GANC: variants seen among roughly 807,000 people sequenced by gnomAD.
GANC encodes glucosidase alpha, neutral C.
GANC carries 117 observed loss-of-function variants against 124.2 expected under a neutral mutation model. The ratio of observed to expected loss-of-function variants is 0.94; its 90% CI spans 0.81 to 1.10. The LOEUF (loss-of-function observed/expected upper bound fraction) is 1.10, where lower values mean the gene tolerates loss of function less well. Ranked by LOEUF, GANC falls within the 50% of genes least tolerant of loss-of-function variation. The pLI is 0.00. For missense variants in GANC, 1,140 were observed against 1,095.0 expected (o/e 1.04, Z -0.58); for synonymous variants, 377 against 376.8 (o/e 1.00, Z -0.01).
At chr15:42,301,345 T>C (rs2051944177) in intron 6 of GANC, among the ~76,000 whole-genome samples, 1 of 152,102 alleles carries the variant, frequency 6.6e-6, no homozygotes, top group South Asian at 2.1e-4. Flanking sequence ...ACTACACTTC[T>C]CCCATGGTCT....
At chr15:42,287,103 C>T (rs994983324) in intron 3 of GANC, among the ~76,000 whole-genome samples, 1 of 152,182 alleles carries the variant, frequency 6.6e-6, no homozygotes, top group African/African-American at 2.4e-5. Flanking sequence ...ACTTAGGTTC[C>T]CCAGCCTCTT....
Position 42,352,661 on chromosome 15 carries a change from G to A in GANC, c.*522G>A. 1 of 986,352 alleles carries A rather than the reference G, an allele frequency of 1.0e-6. No individual in the cohort carries two copies. Among genetic ancestry groups the A allele is most frequent in the Non-Finnish European group, 1.2e-6 (1 of 830,278 alleles). The allele number at this position is 986,352 out of a possible 1,614,324, so 61.1% of individuals were successfully genotyped here. A position where few individuals can be genotyped will look rare whatever the true frequency, so the allele number is the denominator to read the frequency against. ...TGTGCACTGCATACGCTGCAGCCGT[G>A]GGAGTTATTCTCCCCTAGAGATCGA... is the stretch of plus-strand genomic sequence containing the variant. On this transcript the variant is annotated 3_prime_UTR_variant, in exon 24 of 24. Transcript: ENST00000318010.
At chr15:42,326,694 CAG>C (rs1359347663) in intron 12 of GANC, among the ~76,000 whole-genome samples, 1 of 151,936 alleles carries the variant, frequency 6.6e-6, no homozygotes, top group African/African-American at 2.4e-5. Flanking sequence ...TCCAAGCAAA[CAG>C]AGATAAAAAG....
At chr15:42,277,360 G>C (rs865837093) in intron 2 of GANC, among the ~76,000 whole-genome samples, 2 of 151,758 alleles carry the variant, frequency 1.3e-5, no homozygotes, top group African/African-American at 4.8e-5. Flanking sequence ...CAGAAACCCC[G>C]TCTCTACTAA....
At position 42,339,568 on chromosome 15, in the gene GANC, A is replaced by G. The variant is rs562982684; in HGVS notation, c.1844-101A>G. 8.4e-5 allele frequency: 114 copies of G among 1,357,826 alleles called. No individual in the cohort carries two copies. The African/African-American group carries it at 1.5e-3, about 18-fold the overall frequency. The allele number at this position is 1,357,826 out of a possible 1,614,324, so 84.1% of individuals were successfully genotyped here. A position where few individuals can be genotyped will look rare whatever the true frequency, so the allele number is the denominator to read the frequency against. On this transcript the variant is annotated intron_variant, in intron 16 of 23. Transcript: ENST00000318010. ...CTTTATCCTGTCATTTGAAGTGCAT[A>G]TACTGCACTTTTCTCCTGTCGGTCT...
At chr15:42,351,478 A>C (rs1188942190) in intron 23 of GANC, 46 bp downstream of exon 23, 3 of 1,339,592 alleles carry the variant, frequency 2.2e-6, no homozygotes, top group Non-Finnish European at 2.1e-6. Context: ...TTTTATAAAC[A>C]GAAGTATCTG....
intron 3 of GANC, chr15:42,284,091 C>G (rs1298235251): frequency 1.5e-6 from 1 of 664,836 alleles, no homozygotes; most frequent in Non-Finnish European, 2.7e-6. Flanking sequence ...TTTAGGTTAA[C>G]AGTTCTTTAC....
At chr15:42,281,379 G>A (rs960125955) in intron 3 of GANC, among the ~76,000 whole-genome samples, 9 of 152,256 alleles carry the variant, frequency 5.9e-5, no homozygotes, top group Non-Finnish European at 1.2e-4. Context: ...GCAGCTCATT[G>A]CATAGTGAAA....
chr15:42,301,103 C>T (rs1423067863), intron 6 of GANC, among the ~76,000 whole-genome samples: 2 of 152,090 alleles, frequency 1.3e-5, no homozygotes, highest in East Asian at 3.8e-4. Context: ...CGGCCTGCAG[C>T]TGCCAGCAAG....
chr15:42,310,911 C>T (rs548887140), intron 10 of GANC, 65 bp downstream of exon 10: 13 of 1,528,762 alleles, frequency 8.5e-6, no homozygotes, highest in African/African-American at 4.1e-5. Flanking sequence ...TGTGTCATCA[C>T]GGTAAGTTAA....
Position 42,352,089 on chromosome 15 carries a change from G to A in GANC, c.2695G>A (p.Glu899Lys). ...YCAKTSILSL[E>K]KLSLNIATDW... ...TGCCAAAACATCCATCCTGAGCCTG[G>A]AGAAGCTCTCACTCAACATTGCCAC... is the stretch of plus-strand genomic sequence containing the variant. Residue 899 changes from glutamate (E) to lysine (K), a missense_variant, in exon 24 of 24, where the codon GAG becomes AAG. Coordinates refer to ENST00000318010, the MANE Select transcript of GANC (RefSeq NM_198141.3). 6.2e-7 allele frequency: 1 copy of A among 1,614,138 alleles called. No homozygotes were observed. The highest frequency in any genetic ancestry group is 2.2e-5 in the East Asian group (1 of 44,884).
In GANC at chr15:42,342,695, G is replaced by A. The variant is rs181857231; in HGVS notation, c.2153-383G>A. 6.7e-3 allele frequency among the ~76,000 whole-genome samples: 1,014 copies of A among 152,280 alleles called. 8 individuals are homozygous for A. Among genetic ancestry groups the A allele is most frequent in the Non-Finnish European group, 9.4e-3 (637 of 68,028 alleles). Reference sequence around the variant, plus strand: ...CCACACTTCTGGATAATAGTTGTGGGCTCCCCATCTTCAGCTTCACTGACA... The same window carrying A: ...CCACACTTCTGGATAATAGTTGTGGACTCCCCATCTTCAGCTTCACTGACA... On this transcript the variant is annotated intron_variant, in intron 18 of 23. Transcript: ENST00000318010.
chr15:42,331,927 G>A (rs1459332963), intron 15 of GANC, among the ~76,000 whole-genome samples: 3 of 151,938 alleles, frequency 2.0e-5, no homozygotes, highest in South Asian at 2.1e-4. Context: ...ACCTAATTTT[G>A]TATTGATATG....
chr15:42,353,612 G>A lies in GANC; in HGVS notation c.*1473G>A, dbSNP rs1319747586. 1 of 985,520 alleles carries A rather than the reference G, an allele frequency of 1.0e-6. No individual in the cohort carries two copies. The highest frequency in any genetic ancestry group is 1.7e-5 in the African/African-American group (1 of 57,198). The allele number at this position is 985,520 out of a possible 1,614,324, so 61.0% of individuals were successfully genotyped here. ...TATACCTGACTTTCAGTAACTGTTA[G>A]CTGTGATTAGTTAGCTGGTGGATTT... On this transcript the variant is annotated 3_prime_UTR_variant, in exon 24 of 24. Coordinates refer to ENST00000318010, the MANE Select transcript of GANC (RefSeq NM_198141.3).
rs537481128 is a variant in GANC, at chr15:42,339,612, T to G, written c.1844-57T>G. On this transcript the variant is annotated intron_variant, in intron 16 of 23. Transcript: ENST00000318010. ...TCGGTCTTCAAGACCTTAATTTCCC[T>G]GTGTGCATCATTTATCCAAAGCTTG... 1.2e-4 allele frequency: 184 copies of G among 1,582,860 alleles called. 1 individual carries two copies. In the South Asian group the frequency reaches 1.6e-3, roughly 14 times the overall value.
At chr15:42,329,173 T>C (rs1739702874) in intron 13 of GANC, 133 bp from the exon 14 acceptor site, 11 of 877,868 alleles carry the variant, frequency 1.3e-5, no homozygotes, top group Non-Finnish European at 1.9e-5. Flanking sequence ...CCTGTGGAAC[T>C]TATACTCTAG....
chr15:42,346,699 T>C (rs1380278462), intron 20 of GANC, among the ~76,000 whole-genome samples: 1 of 152,098 alleles, frequency 6.6e-6, no homozygotes, highest in African/African-American at 2.4e-5. Flanking sequence ...ATCTGGAATA[T>C]CATTCTACAG....
At chr15:42,308,794 G>A (rs977485361) in intron 8 of GANC, among the ~76,000 whole-genome samples, 1 of 151,996 alleles carries the variant, frequency 6.6e-6, no homozygotes, top group Non-Finnish European at 1.5e-5. Flanking sequence ...CGGTTTTCCA[G>A]TTTTATTTAT....
At chr15:42,347,968 T>C in intron 20 of GANC, 135 bp from the exon 21 acceptor site, 1 of 539,526 alleles carries the variant, frequency 1.9e-6, no homozygotes, top group Non-Finnish European at 3.2e-6. Context: ...TTGCCATCTC[T>C]GTGCCCCAAA....
Sources: allele counts gnomAD v4.1 joint callset (sites outside exome capture counted in the v4.1 genomes callset), GRCh38; gene constraint gnomAD v4.1.1; transcripts MANE v1.5; gene names NCBI Gene and HGNC (gene_info 2026-07-23, HGNC 2026-07-21).